Variants in UCK2 observed in about 807,000 individuals in gnomAD.
UCK2 encodes the protein cytidine monophosphokinase 2.
In UCK2, 6 loss-of-function variants were observed where a neutral mutation model predicts 30.8. That is an observed-to-expected ratio of 0.19 (90% CI 0.11 to 0.38). UCK2 has a LOEUF of 0.38. UCK2 is among the 10% of genes least tolerant of loss of function. UCK2 has a pLI of 1.00. For synonymous variants in UCK2, 125 were observed against 133.6 expected (o/e 0.94, Z 0.45); for missense variants, 210 against 339.8 (o/e 0.62, Z 3.00).
chr1:165,892,389 C>G (rs1351686200), intron 3 of UCK2, among the ~76,000 whole-genome samples: 2 of 152,120 alleles, frequency 1.3e-5, no homozygotes, highest in African/African-American at 4.8e-5. Context: ...CCCACTGACT[C>G]TAGCCTGAGG....
intron 1 of UCK2, among the ~76,000 whole-genome samples, chr1:165,829,262 A>T (rs1421470954): frequency 6.6e-6 from 1 of 152,168 alleles, no homozygotes; most frequent in Non-Finnish European, 1.5e-5. Context: ...GAAGGCTTTT[A>T]AAAAAATTTG....
chr1:165,897,298 AC>A (rs1345345481), intron 4 of UCK2, among the ~76,000 whole-genome samples: 1 of 152,162 alleles, frequency 6.6e-6, no homozygotes, highest in Non-Finnish European at 1.5e-5. Context: ...ACTGGTTCTG[AC>A]AAAGGAAATG....
At chr1:165,897,080 G>A (rs1366821760) in intron 4 of UCK2, among the ~76,000 whole-genome samples, 4 of 152,228 alleles carry the variant, frequency 2.6e-5, no homozygotes, top group African/African-American at 9.6e-5. Flanking sequence ...ACCCATGAAG[G>A]TGCACGGCAG....
chr1:165,898,164 G>C (rs1647332830), intron 4 of UCK2, among the ~76,000 whole-genome samples: 2 of 152,192 alleles, frequency 1.3e-5, no homozygotes, highest in South Asian at 4.1e-4. Flanking sequence ...AAATTAGAGA[G>C]GCAGTGTGAT....
rs372522879 is a variant in UCK2 at position 165,858,964 on chromosome 1, A to G, written c.99+31032A>G. ...AAGTGTTGAAAGGGCTGCGTAAACC[A>G]GAAATCAAATTCTGTAGATTGGCAT... On this transcript the variant is annotated intron_variant, in intron 1 of 6. Transcript: ENST00000367879. 5.3e-5 allele frequency among the ~76,000 whole-genome samples: 8 copies of G among 152,356 alleles called. No homozygotes were observed. The East Asian group carries it at 9.7e-4, about 18-fold the overall frequency.
chr1:165,830,230 C>T (rs1022253131), intron 1 of UCK2, among the ~76,000 whole-genome samples: 2 of 151,762 alleles, frequency 1.3e-5, no homozygotes, highest in Non-Finnish European at 2.9e-5. Context: ...TCTCAAATGC[C>T]TAGACTTAAG....
Position 165,908,554 on chromosome 1 carries a change from C to T in UCK2, c.*731C>T, listed in dbSNP as rs1254136311. On this transcript the variant is annotated 3_prime_UTR_variant, in exon 7 of 7. Coordinates refer to ENST00000367879, the MANE Select transcript of UCK2 (RefSeq NM_012474.5). ...TTCCTGCCCTGCTCCCACCTTCTCG[C>T]CTCTGGCTGCTTGGATAGCTTGGTG... 1 of 151,900 alleles carries T rather than the reference C, an allele frequency of 6.6e-6. No individual in the cohort carries two copies. Among genetic ancestry groups the T allele is most frequent in the African/African-American group, 2.4e-5 (1 of 41,310 alleles). The allele number at this position is 151,900 out of a possible 1,614,324, so 9.4% of individuals were successfully genotyped here. A position where few individuals can be genotyped will look rare whatever the true frequency, so the allele number is the denominator to read the frequency against.
chr1:165,844,850 G>A (rs1362258766), intron 1 of UCK2, among the ~76,000 whole-genome samples: 1 of 152,196 alleles, frequency 6.6e-6, no homozygotes, highest in Non-Finnish European at 1.5e-5. Flanking sequence ...AGAGGGTGTG[G>A]AAGCTTTGCA....
chr1:165,881,201 AAAAAAG>A (rs1253951986), intron 1 of UCK2, among the ~76,000 whole-genome samples: 1 of 151,270 alleles, frequency 6.6e-6, no homozygotes. Flanking sequence ...AAAAAAAAAA[AAAAAAG>A]AGATGATGTA....
chr1:165,875,371 T>C (rs537191792), intron 1 of UCK2, among the ~76,000 whole-genome samples: 2 of 152,150 alleles, frequency 1.3e-5, no homozygotes, highest in Non-Finnish European at 2.9e-5. Flanking sequence ...ACCACATTTT[T>C]CCTTTACTCT....
chr1:165,851,981 C>A (rs1654609249), intron 1 of UCK2, among the ~76,000 whole-genome samples: 1 of 152,208 alleles, frequency 6.6e-6, no homozygotes, highest in African/African-American at 2.4e-5. Flanking sequence ...TCCATTCTAT[C>A]ATTGATGGGC....
intron 1 of UCK2, among the ~76,000 whole-genome samples, chr1:165,875,976 A>C (rs191147573): frequency 6.7e-4 from 102 of 152,280 alleles, no homozygotes; most frequent in African/African-American, 2.3e-3. Context: ...GGCCAGGTGA[A>C]AGGAAGGCAG....
intron 1 of UCK2, among the ~76,000 whole-genome samples, chr1:165,853,650 C>T (rs1654656839): frequency 6.6e-6 from 1 of 152,006 alleles, no homozygotes; most frequent in Admixed American, 6.6e-5. Context: ...ATAGAGTGTT[C>T]CTCTTTCCAT....
intron 3 of UCK2, among the ~76,000 whole-genome samples, chr1:165,892,398 G>A (rs761669675): frequency 1.3e-5 from 2 of 152,104 alleles, no homozygotes; most frequent in Non-Finnish European, 2.9e-5. Flanking sequence ...TCTAGCCTGA[G>A]GCACTGGAGC....
At chr1:165,854,855 TC>T (rs1184484719) in intron 1 of UCK2, among the ~76,000 whole-genome samples, 4 of 152,258 alleles carry the variant, frequency 2.6e-5, no homozygotes, top group South Asian at 2.1e-4. Context: ...CCTTTATACT[TC>T]TGTTTTTCCT....
chr1:165,888,703 G>A (rs971146009), intron 1 of UCK2, among the ~76,000 whole-genome samples: 39 of 120,220 alleles, frequency 3.2e-4, no homozygotes, highest in Non-Finnish European at 4.9e-4. Flanking sequence ...GGCTGGTCTC[G>A]AATTCCTGAC....
intron 1 of UCK2, among the ~76,000 whole-genome samples, chr1:165,833,467 GTCCTGCTGCCTCCAGTAGTTCCTA>G (rs958218232): frequency 4.6e-5 from 7 of 152,064 alleles, no homozygotes; most frequent in Non-Finnish European, 8.8e-5. Context: ...GAAACCCTGG[GTCCTGCTGCCTCCAGTAGTTCCTA>G]TCCTGCTGCC....
At position 165,902,428 on chromosome 1, in the gene UCK2, T is replaced by A. The variant is rs559600772; in HGVS notation, c.500-754T>A. 2.7e-3 allele frequency among the ~76,000 whole-genome samples: 407 copies of A among 148,420 alleles called. 1 individual carries two copies. The highest frequency in any genetic ancestry group is 5.6e-3 in the African/African-American group (224 of 39,670). ...CACCTTGTATTAAAAGAAAAAAAAA[T>A]TTTTTAAAGAAAAAAAAAAAAGAAT... On this transcript the variant is annotated intron_variant, in intron 4 of 6. Transcript: ENST00000367879.
intron 1 of UCK2, among the ~76,000 whole-genome samples, chr1:165,875,626 T>TTGAAG (rs1449676408): frequency 6.6e-6 from 1 of 152,172 alleles, no homozygotes; most frequent in Non-Finnish European, 1.5e-5. Flanking sequence ...CAAGTCGAGG[T>TTGAAG]TCCCATAACC....
Sources: gnomAD v4.1 joint callset for allele counts (sites outside exome capture counted in the v4.1 genomes callset) on GRCh38, gnomAD v4.1.1 for gene constraint, MANE v1.5 for transcripts, NCBI Gene and HGNC (gene_info 2026-07-23, HGNC 2026-07-21) for gene names.